Variants in METRNL observed in about 807,000 individuals in gnomAD.
METRNL encodes the protein meteorin like, glial cell differentiation regulator.
A neutral mutation model predicts 17.4 loss-of-function variants in METRNL; 9 were observed. That is an observed-to-expected ratio of 0.52 (90% CI 0.31 to 0.90). The LOEUF (loss-of-function observed/expected upper bound fraction) is 0.90. METRNL is among the 40% of genes least tolerant of loss of function. The pLI is 0.05. For synonymous variants in METRNL, 215 were observed against 199.3 expected, an observed-to-expected ratio of 1.08 and a Z score of -0.66; for missense variants, 408 against 430.7, an observed-to-expected ratio of 0.95 and a Z score of 0.47.
intron 1 of METRNL, among the ~76,000 whole-genome samples, chr17:83,083,130 G>A (rs934334127): frequency 9.9e-5 from 15 of 152,266 alleles, no homozygotes; most frequent in African/African-American, 2.9e-4. Context: ...CACCAGATGC[G>A]GGTAGCATGT....
rs750811756 is a variant in METRNL at position 83,094,398 on chromosome 17, C to T, written c.759C>T (p.Arg253=). The T allele has an allele frequency of 2.9e-5, 46 of 1,609,850 alleles. 1 individual carries two copies. The South Asian group carries it at 3.4e-4, about 12-fold the overall frequency. ...VPEGDGHWQG[R]VRTLLECGVR... Reference sequence around the variant, plus strand: ...AGGGTGACGGCCACTGGCAGGGGCGCGTCAGGACGCTGCTGGAGTGTGGCG... The same window carrying T: ...AGGGTGACGGCCACTGGCAGGGGCGTGTCAGGACGCTGCTGGAGTGTGGCG... Residue 253 remains arginine (R), a synonymous_variant, in exon 4 of 4, where the codon CGC becomes CGT. Transcript: ENST00000320095.
intron 2 of METRNL, among the ~76,000 whole-genome samples, chr17:83,089,207 T>TGGAGCCCACC (rs2038087441): frequency 6.6e-6 from 1 of 152,044 alleles, no homozygotes; most frequent in Non-Finnish European, 1.5e-5. Flanking sequence ...TCGAGCCCAC[T>TGGAGCCCACC]GGAGCCCACC....
At position 83,094,663 on chromosome 17, in the gene METRNL, C is replaced by T. The variant is rs1298815505; in HGVS notation, c.*88C>T. On this transcript the variant is annotated 3_prime_UTR_variant, in exon 4 of 4. Coordinates refer to ENST00000320095, the MANE Select transcript of METRNL (RefSeq NM_001004431.3). Reference sequence around the variant, plus strand: ...TGGTGGGGCCGTGCGGTGAGGGCCGCGCGCTGGGAGCCGCATGCCCTGGGC... The same window carrying T: ...TGGTGGGGCCGTGCGGTGAGGGCCGTGCGCTGGGAGCCGCATGCCCTGGGC... 1.4e-5 allele frequency: 16 copies of T among 1,144,430 alleles called. No homozygotes were observed. In the South Asian group the frequency reaches 2.0e-4, roughly 15 times the overall value. The allele number at this position is 1,144,430 out of a possible 1,614,324, so 70.9% of individuals were successfully genotyped here.
At chr17:83,089,250 C>T (rs952376186) in intron 2 of METRNL, among the ~76,000 whole-genome samples, 1 of 152,156 alleles carries the variant, frequency 6.6e-6, no homozygotes, top group Admixed American at 6.5e-5. Context: ...CTGTTCTTGG[C>T]TCCTCTGAAA....
chr17:83,088,342 G>A (rs1036014564), intron 2 of METRNL, among the ~76,000 whole-genome samples: 4 of 152,220 alleles, frequency 2.6e-5, no homozygotes, highest in Non-Finnish European at 4.4e-5. Context: ...CAGGGAATCC[G>A]GGAAACGGGC....
At chr17:83,082,146 C>T in intron 1 of METRNL, 1 of 985,448 alleles carries the variant, frequency 1.0e-6, no homozygotes, top group Non-Finnish European at 1.2e-6. Context: ...TCAGCCAGTG[C>T]TCATAAATGT....
At chr17:83,089,460 C>T (rs920607833) in intron 2 of METRNL, among the ~76,000 whole-genome samples, 3 of 152,122 alleles carry the variant, frequency 2.0e-5, no homozygotes, top group Non-Finnish European at 2.9e-5. Context: ...CGGAACCAGC[C>T]GGTCCTGCCT....
chr17:83,091,649 G>T (rs1568339608), intron 2 of METRNL, among the ~76,000 whole-genome samples: 1 of 152,234 alleles, frequency 6.6e-6, no homozygotes, highest in Non-Finnish European at 1.5e-5. Flanking sequence ...TGACAGCTCA[G>T]CTCACTTCAG....
intron 1 of METRNL, among the ~76,000 whole-genome samples, chr17:83,081,141 C>T (rs1314973743): frequency 6.6e-6 from 1 of 151,788 alleles, no homozygotes; most frequent in Admixed American, 6.6e-5. Flanking sequence ...GGAGCGGCCG[C>T]CTCCCTTCTC....
Position 83,088,251 on chromosome 17 carries a change from G to A in METRNL, c.556+2928G>A, listed in dbSNP as rs868318127. 1.3e-5 allele frequency among the ~76,000 whole-genome samples: 2 copies of A among 152,248 alleles called. 1 individual carries two copies. The highest frequency in any genetic ancestry group is 4.1e-4 in the South Asian group (2 of 4,834). ...CCGCAGGATGGGGGTGGCAGAGAGT[G>A]GTCAGGTGCAGCTTCCGGCCGTGCC... On this transcript the variant is annotated intron_variant, in intron 2 of 3. Coordinates refer to ENST00000320095, the MANE Select transcript of METRNL (RefSeq NM_001004431.3).
In METRNL at chr17:83,079,691, G is replaced by T. The variant is rs2037957971; in HGVS notation, c.-125G>T. The T allele has an allele frequency of 1.1e-5, 3 of 266,338 alleles. No homozygotes were observed. The highest frequency in any genetic ancestry group is 2.3e-5 in the African/African-American group (1 of 42,694). The allele number at this position is 266,338 out of a possible 1,614,324, so 16.5% of individuals were successfully genotyped here. On this transcript the variant is annotated 5_prime_UTR_variant, in exon 1 of 4. Transcript: ENST00000320095. ...ATGGGCGGGCGGCCGCGCGGAGGAC[G>T]CGGGGGGCGCGCGACGTGACCACCC...
chr17:83,089,654 G>A (rs753256018), intron 2 of METRNL, among the ~76,000 whole-genome samples: 2 of 151,676 alleles, frequency 1.3e-5, no homozygotes, highest in Non-Finnish European at 2.9e-5. Flanking sequence ...CCTCCCCACC[G>A]CCCTGGAGAC....
At chr17:83,080,704 G>A (rs1055607521) in intron 1 of METRNL, among the ~76,000 whole-genome samples, 162 of 149,780 alleles carry the variant, frequency 1.1e-3, no homozygotes, top group Admixed American at 2.3e-3. Context: ...CGAAGCCCAG[G>A]GCGCCGAGGG....
At chr17:83,089,483 C>T (rs944970623) in intron 2 of METRNL, among the ~76,000 whole-genome samples, 1 of 152,118 alleles carries the variant, frequency 6.6e-6, no homozygotes, top group Non-Finnish European at 1.5e-5. Context: ...CTACTTAACA[C>T]CTGCCGTGCA....
intron 1 of METRNL, among the ~76,000 whole-genome samples, chr17:83,080,476 C>T (rs1027036573): frequency 2.7e-5 from 4 of 146,102 alleles, no homozygotes; most frequent in Non-Finnish European, 4.5e-5. Flanking sequence ...CACCTGTGAG[C>T]CGGGCCGAGT....
rs757933493 is a variant in METRNL, at chr17:83,094,407, G to A, written c.768G>A (p.Thr256=). Residue 256 remains threonine (T), a synonymous_variant, in exon 4 of 4, where the codon ACG becomes ACA. Coordinates refer to ENST00000320095, the MANE Select transcript of METRNL (RefSeq NM_001004431.3). ...GDGHWQGRVR[T]LLECGVRPGH... The stretch of plus-strand genomic sequence containing the variant: ...GCCACTGGCAGGGGCGCGTCAGGAC[G>A]CTGCTGGAGTGTGGCGTGCGGCCGG... 3.9e-5 allele frequency: 62 copies of A among 1,606,522 alleles called. No individual in the cohort carries two copies. Among genetic ancestry groups the A allele is most frequent in the South Asian group, 1.3e-4 (12 of 90,510 alleles).
rs556791464 is a variant in METRNL, at chr17:83,089,931, C to T, written c.557-3236C>T. On this transcript the variant is annotated intron_variant, in intron 2 of 3. Coordinates refer to ENST00000320095, the MANE Select transcript of METRNL (RefSeq NM_001004431.3). ...ACCGTCCCCGGCCCCACACCCCTGC[C>T]GTCAGCCGGGTGAGCCAGGGCGGGG... Among the ~76,000 whole-genome samples the T allele has an allele frequency of 4.0e-3, 606 of 152,098 alleles. 1 individual carries two copies. Among genetic ancestry groups the T allele is most frequent in the Non-Finnish European group, 5.8e-3 (392 of 67,948 alleles).
intron 1 of METRNL, among the ~76,000 whole-genome samples, chr17:83,081,174 A>T (rs2037982127): frequency 6.6e-6 from 1 of 151,076 alleles, no homozygotes; most frequent in African/African-American, 2.5e-5. Context: ...CCGCGGGCGG[A>T]TGGAGGTCTG....
rs150822825 is a variant in METRNL at position 83,082,482 on chromosome 17, C to T, written c.171-2456C>T. Among the ~76,000 whole-genome samples, 6 of 152,360 alleles carry T rather than the reference C, an allele frequency of 3.9e-5. No individual in the cohort carries two copies. In the East Asian group the frequency reaches 1.2e-3, roughly 29 times the overall value. ...CCCTTGCTGACTTTTAAAAGTGTATCTGTTCAGTCTGTTGATCCAACATCA... is the reference window on the plus strand; with the variant it reads ...CCCTTGCTGACTTTTAAAAGTGTATTTGTTCAGTCTGTTGATCCAACATCA... On this transcript the variant is annotated intron_variant, in intron 1 of 3. Coordinates refer to ENST00000320095, the MANE Select transcript of METRNL (RefSeq NM_001004431.3).
Sources: gnomAD v4.1 joint callset for allele counts (sites outside exome capture counted in the v4.1 genomes callset) on GRCh38, gnomAD v4.1.1 for gene constraint, MANE v1.5 for transcripts, NCBI Gene and HGNC (gene_info 2026-07-23, HGNC 2026-07-21) for gene names.